Variants in LUZP2 observed in about 807,000 individuals in gnomAD.
LUZP2 encodes leucine zipper protein 2.
In LUZP2, 52 loss-of-function variants were observed where a neutral mutation model predicts 51.6. That is an observed-to-expected ratio of 1.01 (90% CI 0.81 to 1.27). The LOEUF (loss-of-function observed/expected upper bound fraction) is 1.27, where lower values mean the gene tolerates loss of function less well. Among genes scored for constraint, LUZP2 ranks in the 50% most tolerant of loss-of-function variants. The probability of loss-of-function intolerance (pLI) is 0.00; values close to 1 mark genes in which losing one functional copy is unlikely to be tolerated. For missense variants in LUZP2, 436 were observed against 395.4 expected (o/e 1.10, Z -0.87); for synonymous variants, 154 against 137.3 (o/e 1.12, Z -0.85).
At chr11:24,911,895 A>G (rs1853647587) in intron 6 of LUZP2, among the ~76,000 whole-genome samples, 1 of 152,142 alleles carries the variant, frequency 6.6e-6, no homozygotes, top group Non-Finnish European at 1.5e-5. Flanking sequence ...AACTAGGTAG[A>G]CTCAATCATG....
At chr11:24,551,399 T>C (rs1851720177) in intron 1 of LUZP2, among the ~76,000 whole-genome samples, 1 of 152,022 alleles carries the variant, frequency 6.6e-6, no homozygotes, top group South Asian at 2.1e-4. Context: ...TCCATAAGAA[T>C]ATAAAATGAT....
intron 9 of LUZP2, among the ~76,000 whole-genome samples, chr11:25,028,499 A>T (rs1233808190): frequency 6.6e-6 from 1 of 152,292 alleles, no homozygotes; most frequent in African/African-American, 2.4e-5. Context: ...GTAACAGCAT[A>T]GAACTGAAGA....
At chr11:24,978,144 C>A (rs1370341173) in intron 8 of LUZP2, among the ~76,000 whole-genome samples, 1 of 151,414 alleles carries the variant, frequency 6.6e-6, no homozygotes, top group Non-Finnish European at 1.5e-5. Flanking sequence ...AGCTTGCCCC[C>A]TATTTTGTGA....
chr11:24,949,553 G>A (rs10742057), intron 7 of LUZP2, among the ~76,000 whole-genome samples: 63,774 of 151,228 alleles, frequency 0.42, 14,354 homozygotes, highest in Non-Finnish European at 0.49. Context: ...TTTGCTATGC[G>A]TAAGTGAACA....
At chr11:24,743,347 T>C (rs1166584233) in intron 4 of LUZP2, among the ~76,000 whole-genome samples, 1 of 152,186 alleles carries the variant, frequency 6.6e-6, no homozygotes, top group Non-Finnish European at 1.5e-5. Context: ...CATTTGTTTG[T>C]GTCATCTGTG....
chr11:24,734,314 T>A (rs1858844298), intron 3 of LUZP2, among the ~76,000 whole-genome samples: 1 of 151,668 alleles, frequency 6.6e-6, no homozygotes, highest in Non-Finnish European at 1.5e-5. Flanking sequence ...TTTGTTGATA[T>A]TTTTTTAAAA....
intron 1 of LUZP2, among the ~76,000 whole-genome samples, chr11:24,621,889 A>G (rs1228022400): frequency 1.3e-5 from 2 of 151,474 alleles, no homozygotes; most frequent in African/African-American, 2.4e-5. Flanking sequence ...ATTTTTTATA[A>G]TTTCTCTTCT....
intron 1 of LUZP2, among the ~76,000 whole-genome samples, chr11:24,594,853 G>A (rs544340537): frequency 1.8e-4 from 26 of 148,334 alleles, no homozygotes; most frequent in African/African-American, 6.2e-4. Context: ...TCTGCCTCCC[G>A]GGTTCAAGCA....
chr11:24,788,180 A>ATTT lies in LUZP2; in HGVS notation c.396+24895_396+24897dup, dbSNP rs61308017. Among the ~76,000 whole-genome samples the ATTT allele has an allele frequency of 1.1e-3, 92 of 83,380 alleles. 1 individual carries two copies. The highest frequency in any genetic ancestry group is 3.0e-3 in the African/African-American group (68 of 22,754). The allele number at this position is 83,380 out of a possible 152,430, so 54.7% of individuals were successfully genotyped here. A position where few individuals can be genotyped will look rare whatever the true frequency, so the allele number is the denominator to read the frequency against. On this transcript the variant is annotated intron_variant, in intron 5 of 11. Transcript: ENST00000336930. The stretch of plus-strand genomic sequence containing the variant: ...AGATGCCTATTTCTTTTTGTTTTTA[A>ATTT]TTTTTTTTTTTTTTTTTTTTTTTTT...
chr11:24,601,032 C>T (rs1022828067), intron 1 of LUZP2, among the ~76,000 whole-genome samples: 1 of 152,052 alleles, frequency 6.6e-6, no homozygotes, highest in Admixed American at 6.6e-5. Flanking sequence ...TGAACCCAAT[C>T]TAATCAAATA....
intron 4 of LUZP2, among the ~76,000 whole-genome samples, chr11:24,747,480 T>G (rs1590442483): frequency 6.6e-6 from 1 of 152,002 alleles, no homozygotes; most frequent in Admixed American, 6.6e-5. Flanking sequence ...TCTGTGAGGG[T>G]TCTTAGCTCT....
At chr11:24,894,179 T>TC (rs1209900598) in intron 5 of LUZP2, among the ~76,000 whole-genome samples, 7 of 151,136 alleles carry the variant, frequency 4.6e-5, no homozygotes, top group African/African-American at 1.2e-4. Flanking sequence ...TAATTCATTT[T>TC]TTTTTTTTTT....
intron 5 of LUZP2, among the ~76,000 whole-genome samples, chr11:24,783,453 T>C (rs1167747626): frequency 6.6e-6 from 1 of 152,072 alleles, no homozygotes; most frequent in Non-Finnish European, 1.5e-5. Context: ...TTAACCCTAT[T>C]TTGATTTTTA....
At chr11:24,721,414 C>T (rs534230726) in intron 1 of LUZP2, among the ~76,000 whole-genome samples, 1 of 152,220 alleles carries the variant, frequency 6.6e-6, no homozygotes, top group East Asian at 1.9e-4. Flanking sequence ...ATATTGAAAG[C>T]TCTTTCTCCT....
chr11:24,824,012 A>G (rs1270228910), intron 5 of LUZP2, among the ~76,000 whole-genome samples: 40 of 151,746 alleles, frequency 2.6e-4, no homozygotes, highest in Admixed American at 2.6e-3. Context: ...GCAGTGAGCC[A>G]AGATCACGCC....
chr11:24,884,601 A>T (rs1852607618), intron 5 of LUZP2, among the ~76,000 whole-genome samples: 1 of 152,030 alleles, frequency 6.6e-6, no homozygotes, highest in Non-Finnish European at 1.5e-5. Flanking sequence ...TTTGAGTTTA[A>T]TCTCTCTTCG....
chr11:24,704,039 C>T (rs1207408858), intron 1 of LUZP2, among the ~76,000 whole-genome samples: 1 of 152,074 alleles, frequency 6.6e-6, no homozygotes, highest in Non-Finnish European at 1.5e-5. Flanking sequence ...CAAAATAAAA[C>T]TTAATAAAAT....
At chr11:24,836,443 A>C (rs903175794) in intron 5 of LUZP2, among the ~76,000 whole-genome samples, 10 of 151,876 alleles carry the variant, frequency 6.6e-5, no homozygotes, top group African/African-American at 2.2e-4. Context: ...ATTTGGTAGA[A>C]ATAAAGGAGG....
chr11:24,559,026 A>G (rs373830662), intron 1 of LUZP2, among the ~76,000 whole-genome samples: 67 of 152,326 alleles, frequency 4.4e-4, no homozygotes, highest in African/African-American at 1.6e-3. Flanking sequence ...TCGTAAAAGT[A>G]GACTTCAGAA....
Sources: allele counts gnomAD v4.1 joint callset (sites outside exome capture counted in the v4.1 genomes callset), GRCh38; gene constraint gnomAD v4.1.1; transcripts MANE v1.5; gene names NCBI Gene and HGNC (gene_info 2026-07-23, HGNC 2026-07-21).